Variants in SYT9 observed in about 807,000 individuals in gnomAD.
SYT9 encodes the protein synaptotagmin 9, also known as synaptotagmin-9.
A neutral mutation model predicts 48.4 loss-of-function variants in SYT9; 22 were observed. The ratio of observed to expected loss-of-function variants is 0.45; its 90% CI spans 0.32 to 0.65. The LOEUF is 0.65. SYT9 is among the 30% of genes least tolerant of loss of function. The pLI is 0.03. For missense variants in SYT9, 577 were observed against 622.0 expected (o/e 0.93, Z 0.77); for synonymous variants, 265 against 245.0 (o/e 1.08, Z -0.76).
intron 6 of SYT9, among the ~76,000 whole-genome samples, chr11:7,452,330 T>G (rs1848070502): frequency 6.6e-6 from 1 of 152,224 alleles, no homozygotes; most frequent in Admixed American, 6.5e-5. Flanking sequence ...CTCCTGATTC[T>G]GTTCCCTGCA....
intron 3 of SYT9, among the ~76,000 whole-genome samples, chr11:7,333,337 A>C (rs7940011): frequency 0.019 from 2,872 of 152,286 alleles, 99 homozygotes; most frequent in African/African-American, 0.066. Flanking sequence ...TTTGCTAAAG[A>C]CATGGTAGTG....
intron 6 of SYT9, among the ~76,000 whole-genome samples, chr11:7,452,840 T>C (rs1249313817): frequency 6.6e-6 from 1 of 152,078 alleles, no homozygotes; most frequent in Non-Finnish European, 1.5e-5. Flanking sequence ...TGGAGTGCAA[T>C]GATGCGATCT....
intron 6 of SYT9, among the ~76,000 whole-genome samples, chr11:7,433,056 T>C (rs891097633): frequency 6.6e-6 from 1 of 152,192 alleles, no homozygotes; most frequent in Non-Finnish European, 1.5e-5. Context: ...ATATCCCTCA[T>C]GGCTTGGTGC....
At chr11:7,464,882 A>G (rs1442538580) in intron 6 of SYT9, among the ~76,000 whole-genome samples, 1 of 151,886 alleles carries the variant, frequency 6.6e-6, no homozygotes, top group Non-Finnish European at 1.5e-5. Context: ...GGAGATCAAG[A>G]CCATCATGGC....
At chr11:7,363,868 C>T (rs1358202119) in intron 3 of SYT9, among the ~76,000 whole-genome samples, 1 of 151,840 alleles carries the variant, frequency 6.6e-6, no homozygotes, top group Non-Finnish European at 1.5e-5. Context: ...GCCCTTGGTG[C>T]CTGTCCCAGA....
chr11:7,299,569 G>A lies in SYT9; in HGVS notation c.146-3470G>A, dbSNP rs1367304992. On this transcript the variant is annotated intron_variant, in intron 1 of 6. Coordinates refer to ENST00000318881, the MANE Select transcript of SYT9 (RefSeq NM_175733.4). ...ACAACAATCTGTAATGACTATGACT[G>A]TAACTGGTGCCCCCTAGAGTTTACA... 2.6e-5 allele frequency among the ~76,000 whole-genome samples: 4 copies of A among 152,184 alleles called. No homozygotes were observed. In the East Asian group the frequency reaches 5.8e-4, roughly 22 times the overall value.
intron 3 of SYT9, among the ~76,000 whole-genome samples, chr11:7,331,185 G>A (rs933256712): frequency 6.6e-6 from 1 of 151,616 alleles, no homozygotes; most frequent in African/African-American, 2.4e-5. Context: ...GAAGTGTAAA[G>A]ATAAAACATT....
chr11:7,313,035 A>G (rs1849169138), intron 2 of SYT9, among the ~76,000 whole-genome samples: 1 of 152,238 alleles, frequency 6.6e-6, no homozygotes, highest in Admixed American at 6.5e-5. Flanking sequence ...TTATATATAA[A>G]GTTGAATAAT....
intron 6 of SYT9, chr11:7,444,337 A>G (rs1395878696): frequency 6.6e-6 from 1 of 152,236 alleles, no homozygotes; most frequent in East Asian, 1.9e-4. Flanking sequence ...GATGGGTCCT[A>G]GTGGGCCTCT....
intron 1 of SYT9, among the ~76,000 whole-genome samples, chr11:7,241,788 G>T (rs1169332640): frequency 6.6e-6 from 1 of 152,152 alleles, no homozygotes; most frequent in Non-Finnish European, 1.5e-5. Flanking sequence ...TTGTCCAGGG[G>T]GATCGTAAGA....
At chr11:7,430,726 C>T (rs1447360291) in intron 6 of SYT9, among the ~76,000 whole-genome samples, 2 of 152,074 alleles carry the variant, frequency 1.3e-5, no homozygotes, top group African/African-American at 4.8e-5. Flanking sequence ...AAGTGTGTGG[C>T]ACCTTCCACC....
intron 3 of SYT9, among the ~76,000 whole-genome samples, chr11:7,405,873 G>A (rs1396368567): frequency 6.6e-6 from 1 of 152,046 alleles, no homozygotes; most frequent in Non-Finnish European, 1.5e-5. Flanking sequence ...ATAAAATCAA[G>A]CATTTTCTCC....
At chr11:7,321,766 G>C (rs1031778898) in intron 3 of SYT9, among the ~76,000 whole-genome samples, 1 of 152,188 alleles carries the variant, frequency 6.6e-6, no homozygotes, top group South Asian at 2.1e-4. Context: ...ATTAAAGGGC[G>C]GGTTAATGCA....
At chr11:7,270,832 GAC>G (rs56891844) in intron 1 of SYT9, among the ~76,000 whole-genome samples, 49,415 of 147,050 alleles carry the variant, frequency 0.34, 9,187 homozygotes, top group East Asian at 0.51. Context: ...ACAAGACACA[GAC>G]ACACACACAC....
intron 3 of SYT9, among the ~76,000 whole-genome samples, chr11:7,392,961 C>T (rs1846662688): frequency 6.6e-6 from 1 of 152,086 alleles, no homozygotes; most frequent in Non-Finnish European, 1.5e-5. Flanking sequence ...TATCCTGAAA[C>T]TTTACTGAAG....
At chr11:7,453,326 G>A (rs935811109) in intron 6 of SYT9, among the ~76,000 whole-genome samples, 1 of 152,140 alleles carries the variant, frequency 6.6e-6, no homozygotes, top group Non-Finnish European at 1.5e-5. Context: ...AAGTGTTTCT[G>A]TAACCCCTAG....
intron 3 of SYT9, among the ~76,000 whole-genome samples, chr11:7,400,381 T>C (rs1041543726): frequency 1.3e-5 from 2 of 152,202 alleles, no homozygotes; most frequent in East Asian, 3.8e-4. Context: ...GCAAAAAATA[T>C]ACCTTCAGAG....
rs899423365 is a variant in SYT9 at position 7,350,122 on chromosome 11, G to A, written c.1044+36181G>A. The stretch of plus-strand genomic sequence containing the variant: ...AGGCTGAATAAGGATCAGGCTGGCC[G>A]GACAGATTTCCAGAGAACTAATCAA... On this transcript the variant is annotated intron_variant, in intron 3 of 6. Coordinates refer to ENST00000318881, the MANE Select transcript of SYT9 (RefSeq NM_175733.4). 3.3e-5 allele frequency among the ~76,000 whole-genome samples: 5 copies of A among 152,098 alleles called. No individual in the cohort carries two copies. The East Asian group carries it at 9.6e-4, about 29-fold the overall frequency.
At chr11:7,255,998 C>A (rs1364924960) in intron 1 of SYT9, among the ~76,000 whole-genome samples, 2 of 152,126 alleles carry the variant, frequency 1.3e-5, no homozygotes, top group African/African-American at 4.8e-5. Flanking sequence ...TCTTAAATTT[C>A]TACCCATGGA....
Sources: allele counts gnomAD v4.1 joint callset (sites outside exome capture counted in the v4.1 genomes callset), GRCh38; gene constraint gnomAD v4.1.1; transcripts MANE v1.5; gene names NCBI Gene and HGNC (gene_info 2026-07-23, HGNC 2026-07-21).